Variants in BBX observed in about 807,000 individuals in gnomAD.
BBX encodes the protein BBX high mobility group box domain containing.
A neutral mutation model predicts 100.2 loss-of-function variants in BBX; 30 were observed. The ratio of observed to expected loss-of-function variants is 0.30; its 90% confidence interval spans 0.22 to 0.41. The LOEUF (loss-of-function observed/expected upper bound fraction) is 0.41, where lower values mean the gene tolerates loss of function less well. Among genes scored for constraint, BBX ranks in the 10% least tolerant of loss-of-function variants. BBX has a pLI of 1.00. For missense variants in BBX, 1,023 were observed against 1,129.8 expected (o/e 0.91, Z 1.35); for synonymous variants, 376 against 388.1 (o/e 0.97, Z 0.37).
chr3:107,687,109 A>G (rs2059891670), intron 3 of BBX, among the ~76,000 whole-genome samples: 1 of 152,224 alleles, frequency 6.6e-6, no homozygotes, highest in Non-Finnish European at 1.5e-5. Flanking sequence ...TCCTTAGTAC[A>G]GAATTCTAAG....
chr3:107,710,744 A>G (rs112555992), intron 4 of BBX, 122 bp downstream of exon 4: 4 of 867,938 alleles, frequency 4.6e-6, no homozygotes, highest in Non-Finnish European at 3.4e-6. Flanking sequence ...CTTGAATCCT[A>G]TTCAATTACT....
At position 107,798,879 on chromosome 3, in the gene BBX, G is replaced by T. The variant is rs187546005; in HGVS notation, c.2551+159G>T. On this transcript the variant is annotated intron_variant, in intron 16 of 17. Transcript: ENST00000325805. ...AAACAAAAAAAACCAGGCCAGGCGC[G>T]GTGGCTCACGTCTGTAATCCCAACG... Among the ~76,000 whole-genome samples, 553 of 151,118 alleles carry T rather than the reference G, an allele frequency of 3.7e-3. 1 individual carries two copies. Among genetic ancestry groups the T allele is most frequent in the African/African-American group, 0.013 (535 of 41,278 alleles).
At chr3:107,778,811 G>T (rs2067549009) in intron 13 of BBX, among the ~76,000 whole-genome samples, 1 of 151,586 alleles carries the variant, frequency 6.6e-6, no homozygotes, top group Non-Finnish European at 1.5e-5. Context: ...TTCTAATTTG[G>T]AATGTTAACC....
intron 10 of BBX, among the ~76,000 whole-genome samples, chr3:107,757,062 G>A (rs1399872056): frequency 6.6e-6 from 1 of 152,010 alleles, no homozygotes; most frequent in Non-Finnish European, 1.5e-5. Context: ...ATGACCCTCT[G>A]CTTGTGCTGG....
In BBX at chr3:107,737,884, GTTTTTTTTTTTTTTTT is replaced by G. The variant is rs1156396951; in HGVS notation, c.669+4876_669+4891del. ...GGACCAGAAGTACTTCAGAGTTCCA[GTTTTTTTTTTTTTTTT>G]TTTTTTTTTTTTTTAACTATTTGTA... On this transcript the variant is annotated intron_variant, in intron 7 of 17. Transcript: ENST00000325805. 2.7e-4 allele frequency among the ~76,000 whole-genome samples: 13 copies of G among 48,902 alleles called. No homozygotes were observed. In the East Asian group the frequency reaches 8.0e-3, roughly 30 times the overall value. The allele number at this position is 48,902 out of a possible 152,430, so 32.1% of individuals were successfully genotyped here. A position where few individuals can be genotyped will look rare whatever the true frequency, so the allele number is the denominator to read the frequency against.
intron 6 of BBX, among the ~76,000 whole-genome samples, chr3:107,731,573 A>T (rs1406412735): frequency 6.6e-6 from 1 of 152,056 alleles, no homozygotes; most frequent in Non-Finnish European, 1.5e-5. Flanking sequence ...TTCTCTGTGT[A>T]TGTCTTCCTA....
chr3:107,590,193 C>T (rs1473922600), intron 2 of BBX, among the ~76,000 whole-genome samples: 1 of 152,088 alleles, frequency 6.6e-6, no homozygotes, highest in Middle Eastern at 3.4e-3. Flanking sequence ...AAATAATTAC[C>T]TGTGTGCATT....
chr3:107,529,453 G>A (rs115617567), intron 2 of BBX, among the ~76,000 whole-genome samples: 1,629 of 152,174 alleles, frequency 0.011, 41 homozygotes, highest in African/African-American at 0.037. Flanking sequence ...TGTTTTTATC[G>A]TGTGTCCCAG....
chr3:107,620,255 T>C (rs1261799344), intron 2 of BBX, among the ~76,000 whole-genome samples: 1 of 152,244 alleles, frequency 6.6e-6, no homozygotes, highest in African/African-American at 2.4e-5. Flanking sequence ...TAATATATCT[T>C]CTGTTTCTTT....
At chr3:107,795,542 G>C (rs1449190467) in intron 15 of BBX, among the ~76,000 whole-genome samples, 2 of 150,458 alleles carry the variant, frequency 1.3e-5, no homozygotes, top group Non-Finnish European at 3.0e-5. Flanking sequence ...TGTAATAGTA[G>C]GTTTAGAGGA....
In BBX at chr3:107,798,739, A is replaced by G; in HGVS notation, c.2551+19A>G. The G allele has an allele frequency of 2.5e-6, 4 of 1,610,746 alleles. No homozygotes were observed. The highest frequency in any genetic ancestry group is 2.2e-5 in the East Asian group (1 of 44,794). ...ACTTTGGGTAAGAAGAGAGAGCTTTAGACCAGAGGTGTCCAATCTTTTAGC... is the reference window on the plus strand; with the variant it reads ...ACTTTGGGTAAGAAGAGAGAGCTTTGGACCAGAGGTGTCCAATCTTTTAGC... On this transcript the variant is annotated intron_variant, in intron 16 of 17. Coordinates refer to ENST00000325805, the MANE Select transcript of BBX (RefSeq NM_001142568.3).
intron 2 of BBX, among the ~76,000 whole-genome samples, chr3:107,635,914 G>T (rs2056825291): frequency 6.6e-6 from 1 of 152,030 alleles, no homozygotes; most frequent in Non-Finnish European, 1.5e-5. Context: ...ATTTCACCAT[G>T]TTGGCCAGGA....
At chr3:107,765,510 C>G (rs2066316909) in intron 10 of BBX, among the ~76,000 whole-genome samples, 2 of 151,866 alleles carry the variant, frequency 1.3e-5, no homozygotes, top group African/African-American at 2.4e-5. Flanking sequence ...CAGGGTCTTT[C>G]TGTGTTGCCC....
At chr3:107,532,277 T>TAA (rs1171543413) in intron 2 of BBX, among the ~76,000 whole-genome samples, 1 of 152,090 alleles carries the variant, frequency 6.6e-6, no homozygotes, top group Admixed American at 6.6e-5. Context: ...ACAGATAAAT[T>TAA]ATGCTGTGAG....
intron 10 of BBX, among the ~76,000 whole-genome samples, chr3:107,769,596 G>A (rs2066727742): frequency 6.6e-6 from 1 of 152,156 alleles, no homozygotes; most frequent in Admixed American, 6.5e-5. Flanking sequence ...GAGCTGTTAA[G>A]GGAGATGGGA....
At chr3:107,783,716 A>G (rs1045337027) in intron 13 of BBX, among the ~76,000 whole-genome samples, 2 of 152,062 alleles carry the variant, frequency 1.3e-5, no homozygotes, top group Non-Finnish European at 2.9e-5. Flanking sequence ...TGTATAAAAC[A>G]CATGAGGCAG....
chr3:107,528,574 G>A (rs2047936533), intron 2 of BBX, among the ~76,000 whole-genome samples: 1 of 152,130 alleles, frequency 6.6e-6, no homozygotes, highest in African/African-American at 2.4e-5. Context: ...TTTGAAAATG[G>A]TATATATAGC....
chr3:107,538,576 CTA>C (rs1320284488), intron 2 of BBX, among the ~76,000 whole-genome samples: 1 of 151,922 alleles, frequency 6.6e-6, no homozygotes, highest in African/African-American at 2.4e-5. Flanking sequence ...TCAAATAGAA[CTA>C]TATATATATT....
chr3:107,544,766 G>A (rs2049095490), intron 2 of BBX, among the ~76,000 whole-genome samples: 1 of 151,066 alleles, frequency 6.6e-6, no homozygotes, highest in South Asian at 2.1e-4. Context: ...AGCACTTTGG[G>A]CGGCCAAGGC....
Sources: gnomAD v4.1 joint callset for allele counts (sites outside exome capture counted in the v4.1 genomes callset) on GRCh38, gnomAD v4.1.1 for gene constraint, MANE v1.5 for transcripts, NCBI Gene and HGNC (gene_info 2026-07-23, HGNC 2026-07-21) for gene names.